RFWD3: variants seen among roughly 807,000 people sequenced by gnomAD.
The protein encoded by RFWD3 is E3 ubiquitin-protein ligase RFWD3.
RFWD3 carries 65 observed loss-of-function variants against 87.7 expected under a neutral mutation model. The observed-to-expected ratio is 0.74, with a 90% CI of 0.61 to 0.91. RFWD3 has a LOEUF of 0.91. Among genes scored for constraint, RFWD3 ranks in the 40% least tolerant of loss-of-function variants. The pLI, the probability that RFWD3 is intolerant of heterozygous loss-of-function variation, is 0.00. For synonymous variants in RFWD3, 433 were observed against 352.8 expected (o/e 1.23, Z -2.55); for missense variants, 1,078 against 938.5 (o/e 1.15, Z -1.94).
At chr16:74,657,084 A>C (rs2085798299) in intron 2 of RFWD3, among the ~76,000 whole-genome samples, 1 of 152,234 alleles carries the variant, frequency 6.6e-6, no homozygotes, top group Admixed American at 6.5e-5. Flanking sequence ...CATTGCTCAG[A>C]GTCAAGAGTA....
chr16:74,662,167 G>C (rs1961498329), intron 1 of RFWD3, among the ~76,000 whole-genome samples: 1 of 151,728 alleles, frequency 6.6e-6, no homozygotes, highest in Non-Finnish European at 1.5e-5. Context: ...TTGTTATATA[G>C]ATGAAGGCTT....
At position 74,632,443 on chromosome 16, in the gene RFWD3, G is replaced by T. The variant is rs1959129089; in HGVS notation, c.1577+80C>A. 4 of 1,459,128 alleles carry T rather than the reference G, an allele frequency of 2.7e-6. No individual in the cohort carries two copies. The East Asian group carries it at 6.8e-5, about 25-fold the overall frequency. The allele number at this position is 1,459,128 out of a possible 1,614,324, so 90.4% of individuals were successfully genotyped here. A position where few individuals can be genotyped will look rare whatever the true frequency, so the allele number is the denominator to read the frequency against. On this transcript the variant is annotated intron_variant, in intron 9 of 12. Transcript: ENST00000361070. ...AACAACAACAAAAAACAGAGCTAAG[G>T]TCATCATAACACCGATACGAATTCC...
intron 2 of RFWD3, among the ~76,000 whole-genome samples, chr16:74,654,359 TTTTG>T (rs1402270134): frequency 6.6e-6 from 1 of 152,150 alleles, no homozygotes; most frequent in Non-Finnish European, 1.5e-5. Flanking sequence ...CTGTGTTGGG[TTTTG>T]TTTGTTCCTC....
At chr16:74,655,388 C>T (rs112107021) in intron 2 of RFWD3, among the ~76,000 whole-genome samples, 19,017 of 151,702 alleles carry the variant, frequency 0.13, 1,447 homozygotes, top group Admixed American at 0.24. Context: ...TACAGGCACC[C>T]GCCACCACGC....
chr16:74,639,665 C>T (rs1959464465), intron 6 of RFWD3, among the ~76,000 whole-genome samples: 1 of 152,184 alleles, frequency 6.6e-6, no homozygotes, highest in South Asian at 2.1e-4. Flanking sequence ...TTTCATGGAA[C>T]TTAACAAATT....
chr16:74,645,687 T>C (rs1407241471), intron 4 of RFWD3, among the ~76,000 whole-genome samples: 1 of 151,566 alleles, frequency 6.6e-6, no homozygotes, highest in East Asian at 1.9e-4. Flanking sequence ...CCATCATACA[T>C]GTGGTCTGTC....
intron 2 of RFWD3, among the ~76,000 whole-genome samples, chr16:74,657,504 C>G (rs1961089294): frequency 7.2e-6 from 1 of 137,980 alleles, no homozygotes; most frequent in Non-Finnish European, 1.5e-5. Context: ...GAGACGGAGT[C>G]TCGCTCTGCG....
At chr16:74,642,222 A>C (rs1959722559) in intron 6 of RFWD3, among the ~76,000 whole-genome samples, 1 of 151,932 alleles carries the variant, frequency 6.6e-6, no homozygotes, top group Non-Finnish European at 1.5e-5. Context: ...TCCCAGGTTC[A>C]AGCGATTCTC....
At position 74,644,675 on chromosome 16, in the gene RFWD3, C is replaced by T. The variant is rs951819114; in HGVS notation, c.853G>A (p.Asp285Asn). The change falls in exon 5 of 13, where the codon GAC (aspartate) becomes AAC (asparagine). Residue 285 changes from aspartate (D) to asparagine (N), a missense_variant. Asp to Asn is a conservative substitution (Grantham distance 23). Coordinates refer to ENST00000361070, the MANE Select transcript of RFWD3 (RefSeq NM_018124.4). The part of the protein sequence containing the change: ...PSASMDEEEG[D>N]TCTICLEQWT... ...TGTTCCAGACATATTGTACAAGTGT[C>T]CCCTTCTTCCTCATCCATAGAAGCA... 5 of 1,614,102 alleles carry T rather than the reference C, an allele frequency of 3.1e-6. No individual in the cohort carries two copies. The African/African-American group carries it at 4.0e-5, about 13-fold the overall frequency.
Position 74,623,766 on chromosome 16 carries a change from G to C in RFWD3, c.*162C>G. ...GGACATAACAGATACACAATCTGTAGTGTCTCAGTGACCTAGGGTCCTAGA... is the reference window on the plus strand; with the variant it reads ...GGACATAACAGATACACAATCTGTACTGTCTCAGTGACCTAGGGTCCTAGA... On this transcript the variant is annotated 3_prime_UTR_variant, in exon 13 of 13. Coordinates refer to ENST00000361070, the MANE Select transcript of RFWD3 (RefSeq NM_018124.4). 1 of 647,874 alleles carries C rather than the reference G, an allele frequency of 1.5e-6. No individual in the cohort carries two copies. Among genetic ancestry groups the C allele is most frequent in the Non-Finnish European group, 2.6e-6 (1 of 379,158 alleles). The allele number at this position is 647,874 out of a possible 1,614,324, so 40.1% of individuals were successfully genotyped here. A position where few individuals can be genotyped will look rare whatever the true frequency, so the allele number is the denominator to read the frequency against.
chr16:74,666,192 AG>A (rs1961893651), intron 1 of RFWD3: 1 of 113,558 alleles, frequency 8.8e-6, no homozygotes, highest in South Asian at 3.0e-4. Context: ...TTAGATAGAT[AG>A]ATAGATAGAT....
At chr16:74,645,699 T>C (rs1169490680) in intron 4 of RFWD3, among the ~76,000 whole-genome samples, 5 of 150,588 alleles carry the variant, frequency 3.3e-5, no homozygotes, top group East Asian at 2.0e-4. Context: ...TGGTCTGTCA[T>C]AGACTGAACT....
chr16:74,632,045 G>A (rs1379958215), intron 9 of RFWD3, among the ~76,000 whole-genome samples: 1 of 152,120 alleles, frequency 6.6e-6, no homozygotes, highest in African/African-American at 2.4e-5. Flanking sequence ...ACTTCTAAAA[G>A]CAATATATTT....
intron 3 of RFWD3, among the ~76,000 whole-genome samples, chr16:74,650,890 G>GAA (rs142592065): frequency 7.1e-6 from 1 of 141,326 alleles, no homozygotes; most frequent in Non-Finnish European, 1.6e-5. Context: ...AAAAACAAAT[G>GAA]AAAAAAAAAA....
Position 74,659,818 on chromosome 16 carries a change from C to T in RFWD3, c.518+1114G>A, listed in dbSNP as rs150744170. 4.4e-4 allele frequency among the ~76,000 whole-genome samples: 67 copies of T among 152,340 alleles called. No individual in the cohort carries two copies. The East Asian group carries it at 0.012, about 26-fold the overall frequency. Reference sequence around the variant, plus strand: ...ACAACCAAATCACAAATTATCCCATCAGCTTCCTCATTTGTAAAACATGGG... The same window carrying T: ...ACAACCAAATCACAAATTATCCCATTAGCTTCCTCATTTGTAAAACATGGG... On this transcript the variant is annotated intron_variant, in intron 2 of 12. Coordinates refer to ENST00000361070, the MANE Select transcript of RFWD3 (RefSeq NM_018124.4).
At chr16:74,660,876 A>C (rs148877733) in intron 2 of RFWD3, 56 bp downstream of exon 2, 2 of 1,534,956 alleles carry the variant, frequency 1.3e-6, no homozygotes, top group East Asian at 4.5e-5. Context: ...GCAGAGCCTC[A>C]GTTTCATAAT....
At chr16:74,628,736 C>T (rs1476048655) in intron 10 of RFWD3, 70 bp from the exon 11 acceptor site, 1 of 1,372,146 alleles carries the variant, frequency 7.3e-7, no homozygotes, top group African/African-American at 1.4e-5. Context: ...CACTACCAGA[C>T]CTCAAGCACA....
intron 3 of RFWD3, 72 bp from the exon 4 acceptor site, chr16:74,649,274 G>T: frequency 1.8e-6 from 2 of 1,093,124 alleles, no homozygotes; most frequent in South Asian, 1.5e-5. Flanking sequence ...TGAGAAGCTA[G>T]CAGGAGAGAG....
chr16:74,632,432 A>G, intron 9 of RFWD3, 91 bp downstream of exon 9: 2 of 1,404,902 alleles, frequency 1.4e-6, no homozygotes, highest in Non-Finnish European at 2.0e-6. Flanking sequence ...ACAACAAAAA[A>G]CAGAGCTAAG....
Sources: allele counts gnomAD v4.1 joint callset (sites outside exome capture counted in the v4.1 genomes callset), GRCh38; gene constraint gnomAD v4.1.1; transcripts MANE v1.5; gene names NCBI Gene and HGNC (gene_info 2026-07-23, HGNC 2026-07-21).